UPK3A: variants seen among roughly 807,000 people sequenced by gnomAD.
UPK3A encodes uroplakin-3a.
A neutral mutation model predicts 27.6 loss-of-function variants in UPK3A; 32 were observed. That is an observed-to-expected ratio of 1.16 (90% CI 0.87 to 1.55). The LOEUF (loss-of-function observed/expected upper bound fraction) is 1.55, where lower values mean the gene tolerates loss of function less well. Ranked by LOEUF, UPK3A falls within the 40% of genes most tolerant of loss-of-function variation. The pLI is 0.00. For missense variants in UPK3A, 370 were observed against 367.9 expected, an observed-to-expected ratio of 1.01 and a Z score of -0.05; for synonymous variants, 171 against 163.9, an observed-to-expected ratio of 1.04 and a Z score of -0.33.
chr22:45,286,213 T>A, intron 2 of UPK3A, 117 bp downstream of exon 2: 1 of 1,358,390 alleles, frequency 7.4e-7, no homozygotes, highest in Non-Finnish European at 1.0e-6. Flanking sequence ...ATTAAACAGG[T>A]ACTGCAGCCA....
chr22:45,294,599 C>T (rs2084183009), intron 5 of UPK3A, among the ~76,000 whole-genome samples: 1 of 152,090 alleles, frequency 6.6e-6, no homozygotes, highest in African/African-American at 2.4e-5. Flanking sequence ...TGATATCAGC[C>T]TCCCAGAAAC....
intron 2 of UPK3A, 38 bp from the exon 3 acceptor site, chr22:45,287,134 A>G (rs2084123518): frequency 1.9e-6 from 3 of 1,612,938 alleles, no homozygotes; most frequent in Non-Finnish European, 2.5e-6. Context: ...GCTGAGCCGG[A>G]GTGGCCAGAA....
chr22:45,287,291 T>G lies in UPK3A; in HGVS notation c.328T>G (p.Cys110Gly), dbSNP rs1350904399. 3 of 1,614,228 alleles carry G rather than the reference T, an allele frequency of 1.9e-6. No individual in the cohort carries two copies. Among genetic ancestry groups the G allele is most frequent in the Non-Finnish European group, 2.5e-6 (3 of 1,180,046 alleles). Residue 110 changes from cysteine (C) to glycine (G), a missense_variant, in exon 3 of 6, where the codon TGC becomes GGC. Coordinates refer to ENST00000216211, the MANE Select transcript of UPK3A (RefSeq NM_006953.4). ...YKAVAFDLIP[C>G]SDLPSLDAIG... is the part of the protein sequence containing the mutation. ...AGCTGTGGCCTTTGACCTGATCCCC[T>G]GCAGTGACCTGCCCAGCCTGGATGC...
chr22:45,287,492 C>A, intron 3 of UPK3A, 41 bp downstream of exon 3: 1 of 1,558,036 alleles, frequency 6.4e-7, no homozygotes, highest in Non-Finnish European at 8.7e-7. Context: ...CGCGGCAGTT[C>A]CCCAGTCCTG....
At chr22:45,285,136 C>A in intron 1 of UPK3A, 71 bp downstream of exon 1, 1 of 1,398,056 alleles carries the variant, frequency 7.2e-7, no homozygotes, top group Non-Finnish European at 9.6e-7. Context: ...GCGCCCGCCG[C>A]CTGGACCCTG....
Position 45,287,201 on chromosome 22 carries a change from A to C in UPK3A, c.238A>C (p.Ser80Arg). The C allele has an allele frequency of 6.2e-7, 1 of 1,614,190 alleles. No individual in the cohort carries two copies. The highest frequency in any genetic ancestry group is 8.5e-7 in the Non-Finnish European group (1 of 1,180,036). ...TTCCAGGAATGCCTCAGTGCAAGAC[A>C]GCACCAACACCCCACTGGGCTCAAC... ...AISRNASVQD[S>R]TNTPLGSTFL... The change falls in exon 3 of 6, where the codon AGC becomes CGC. Residue 80 changes from serine (S) to arginine (R), a missense_variant. Physicochemically the swap from Ser to Arg is moderately radical, Grantham distance 110. Transcript: ENST00000216211.
Position 45,284,990 on chromosome 22 carries a change from C to A in UPK3A, c.-24C>A, listed in dbSNP as rs1405277265. On this transcript the variant is annotated 5_prime_UTR_variant, in exon 1 of 6. Transcript: ENST00000216211. ...CCTGCTCGCTGGACCGCCCGCCCCG[C>A]GCTCTGGCGGCTCCTCCCGGGCGAT... 2 of 1,529,198 alleles carry A rather than the reference C, an allele frequency of 1.3e-6. No homozygotes were observed. The highest frequency in any genetic ancestry group is 4.9e-5 in the East Asian group (2 of 40,596). The allele number at this position is 1,529,198 out of a possible 1,614,324, so 94.7% of individuals were successfully genotyped here. A position where few individuals can be genotyped will look rare whatever the true frequency, so the allele number is the denominator to read the frequency against.
chr22:45,285,393 C>T (rs2147791864), intron 1 of UPK3A, among the ~76,000 whole-genome samples: 1 of 152,198 alleles, frequency 6.6e-6, no homozygotes, highest in East Asian at 1.9e-4. Context: ...TGGGCAAGTT[C>T]ATGGAGGGGA....
chr22:45,292,360 C>T (rs1027903578), intron 4 of UPK3A, among the ~76,000 whole-genome samples: 5 of 152,138 alleles, frequency 3.3e-5, no homozygotes, highest in African/African-American at 4.8e-5. Context: ...GCTCCCTGAG[C>T]GCAGTGAGTG....
chr22:45,286,231 G>A (rs113175457), intron 2 of UPK3A, 135 bp downstream of exon 2: 1 of 1,205,190 alleles, frequency 8.3e-7, no homozygotes, highest in Admixed American at 2.0e-5. Context: ...CCACAGACCT[G>A]TCCTTGCCTT....
intron 4 of UPK3A, among the ~76,000 whole-genome samples, chr22:45,290,279 C>A (rs1328609632): frequency 6.6e-6 from 1 of 152,188 alleles, no homozygotes; most frequent in Non-Finnish European, 1.5e-5. Flanking sequence ...CACACCTTGG[C>A]CCCCAAGACG....
chr22:45,293,448 G>A, intron 5 of UPK3A, 135 bp downstream of exon 5: 3 of 1,148,164 alleles, frequency 2.6e-6, no homozygotes, highest in Non-Finnish European at 1.3e-6. Flanking sequence ...TGCCCCGCGG[G>A]TGGGGTCTGG....
intron 5 of UPK3A, 101 bp from the exon 6 acceptor site, chr22:45,295,459 T>C: frequency 7.9e-7 from 1 of 1,265,104 alleles, no homozygotes; most frequent in East Asian, 2.3e-5. Flanking sequence ...GAAGACGATA[T>C]CTGTGAAAGC....
chr22:45,285,626 G>T (rs1401988602), intron 1 of UPK3A, among the ~76,000 whole-genome samples: 1 of 62,004 alleles, frequency 1.6e-5, no homozygotes, highest in Non-Finnish European at 5.5e-5. Flanking sequence ...CTTGCATGTG[G>T]GGGGAGGGCC....
intron 5 of UPK3A, among the ~76,000 whole-genome samples, chr22:45,294,217 G>C (rs1025688302): frequency 6.6e-6 from 1 of 152,148 alleles, no homozygotes; most frequent in Non-Finnish European, 1.5e-5. Flanking sequence ...GTCCCAGTGT[G>C]GGTAAGGGTG....
chr22:45,295,445 CT>C, intron 5 of UPK3A, 114 bp from the exon 6 acceptor site: 1 of 1,153,138 alleles, frequency 8.7e-7, no homozygotes, highest in South Asian at 1.2e-5. Flanking sequence ...GAATTCATGT[CT>C]ACGAAGACGA....
At chr22:45,289,455 T>G (rs768955801) in intron 4 of UPK3A, among the ~76,000 whole-genome samples, 5 of 151,710 alleles carry the variant, frequency 3.3e-5, no homozygotes, top group Non-Finnish European at 5.9e-5. Context: ...GGGGGTGCCT[T>G]TAGTCCCAGC....
Position 45,292,931 on chromosome 22 carries a change from C to CAA in UPK3A, c.572-238_572-237dup, listed in dbSNP as rs56662710. ...TCAAAAACAATAACGTAAAATAATG[C>CAA]AAAAAAAAAAAAAGAGAAGAAAGAG... is the stretch of plus-strand genomic sequence containing the variant. On this transcript the variant is annotated intron_variant, in intron 4 of 5. Transcript: ENST00000216211. 1.9e-3 allele frequency among the ~76,000 whole-genome samples: 211 copies of CAA among 111,518 alleles called. 3 individuals are homozygous for CAA. Among genetic ancestry groups the CAA allele is most frequent in the African/African-American group, 6.1e-3 (194 of 31,768 alleles). 73.2% of individuals were successfully genotyped at this position (111,518 alleles called of 152,430 possible).
intron 4 of UPK3A, among the ~76,000 whole-genome samples, chr22:45,290,061 A>G (rs953734819): frequency 1.3e-5 from 2 of 152,194 alleles, no homozygotes; most frequent in Non-Finnish European, 2.9e-5. Flanking sequence ...CAAAGGCAGC[A>G]AGGAACCGCT....
Sources: allele counts gnomAD v4.1 joint callset (sites outside exome capture counted in the v4.1 genomes callset), GRCh38; gene constraint gnomAD v4.1.1; transcripts MANE v1.5; gene names NCBI Gene and HGNC (gene_info 2026-07-23, HGNC 2026-07-21).